The following ABI2 variants were observed in gnomAD, a reference collection of about 807,000 sequenced individuals.
ABI2 encodes the protein abelson interactor 2.
A neutral mutation model predicts 59.2 loss-of-function variants in ABI2; 25 were observed. The observed-to-expected ratio is 0.42, with a 90% CI of 0.31 to 0.59. The LOEUF is 0.59. Among genes scored for constraint, ABI2 ranks in the 20% least tolerant of loss-of-function variants. ABI2 has a pLI of 0.14. For missense variants in ABI2, 545 were observed against 681.8 expected (o/e 0.80, Z 2.23); for synonymous variants, 213 against 235.5 (o/e 0.90, Z 0.87).
intron 1 of ABI2, among the ~76,000 whole-genome samples, chr2:203,357,544 CT>C (rs2092454387): frequency 6.6e-6 from 1 of 152,168 alleles, no homozygotes; most frequent in Non-Finnish European, 1.5e-5. Context: ...TCCTCTGACA[CT>C]TTGGTGTGTA....
rs1245594190 is a variant in ABI2, at chr2:203,385,127, C to A, written c.480+2921C>A. 2.3e-4 allele frequency among the ~76,000 whole-genome samples: 22 copies of A among 94,894 alleles called. 1 individual carries two copies. The highest frequency in any genetic ancestry group is 7.5e-4 in the African/African-American group (22 of 29,176). 62.3% of individuals were successfully genotyped at this position (94,894 alleles called of 152,430 possible). A position where few individuals can be genotyped will look rare whatever the true frequency, so the allele number is the denominator to read the frequency against. ...GGATTACAGGTGTGAGCCACCGCAC[C>A]CGGCTCAGATTCTTTTTTTTTTTTT... On this transcript the variant is annotated intron_variant, in intron 4 of 11. Transcript: ENST00000261018.
intron 1 of ABI2, among the ~76,000 whole-genome samples, chr2:203,366,379 CAT>C (rs1377571123): frequency 6.6e-6 from 1 of 151,974 alleles, no homozygotes. Context: ...TTTTATTTAT[CAT>C]ATTATTTATA....
chr2:203,417,122 T>G (rs1349608534), intron 11 of ABI2, 41 bp downstream of exon 11: 1 of 1,495,630 alleles, frequency 6.7e-7, no homozygotes, highest in South Asian at 1.4e-5. Flanking sequence ...GGAAGAAACC[T>G]CTACATAGAA....
At chr2:203,409,993 GTATC>G (rs1175718167) in intron 9 of ABI2, among the ~76,000 whole-genome samples, 1 of 152,042 alleles carries the variant, frequency 6.6e-6, no homozygotes, top group Non-Finnish European at 1.5e-5. Flanking sequence ...TTCTCTTTGG[GTATC>G]TTTTCCTAGC....
At chr2:203,411,433 T>A in intron 10 of ABI2, 62 bp downstream of exon 10, 1 of 1,271,416 alleles carries the variant, frequency 7.9e-7, no homozygotes, top group African/African-American at 1.5e-5. Flanking sequence ...CATTTATATG[T>A]GATTGACTGG....
At position 203,376,214 on chromosome 2, in the gene ABI2, G is replaced by T; in HGVS notation, c.286-3994G>T. 2.9e-6 allele frequency: 3 copies of T among 1,045,478 alleles called. No homozygotes were observed. In the South Asian group the frequency reaches 4.9e-5, roughly 17 times the overall value. The allele number at this position is 1,045,478 out of a possible 1,614,324, so 64.8% of individuals were successfully genotyped here. Reference sequence around the variant, plus strand: ...AGTTTTGCCCCCAAGGGGACATTTGGCAATGTTAGACATTTTTGGTTGTCA... The same window carrying T: ...AGTTTTGCCCCCAAGGGGACATTTGTCAATGTTAGACATTTTTGGTTGTCA... On this transcript the variant is annotated intron_variant, in intron 2 of 11. Transcript: ENST00000261018.
At chr2:203,376,024 T>A (rs1368750328) in intron 2 of ABI2, 4 of 1,435,858 alleles carry the variant, frequency 2.8e-6, no homozygotes, top group East Asian at 2.5e-5. Context: ...AGATGTTTTT[T>A]AAAAGTTATT....
intron 2 of ABI2, among the ~76,000 whole-genome samples, chr2:203,371,658 G>A (rs965394089): frequency 6.6e-6 from 1 of 152,076 alleles, no homozygotes; most frequent in Non-Finnish European, 1.5e-5. Flanking sequence ...CAAACTGATA[G>A]TGGAGTTAAA....
chr2:203,355,051 G>A, intron 1 of ABI2: 1 of 263,428 alleles, frequency 3.8e-6, no homozygotes, highest in Non-Finnish European at 8.3e-6. Context: ...TTTTAGTCCT[G>A]CTTCTCAGCT....
chr2:203,332,226 A>T (rs2074095887), intron 1 of ABI2, among the ~76,000 whole-genome samples: 1 of 152,176 alleles, frequency 6.6e-6, no homozygotes, highest in Non-Finnish European at 1.5e-5. Flanking sequence ...CAGTTTGCTG[A>T]TATTTATCAG....
At chr2:203,328,886 C>G (rs776513186) in intron 1 of ABI2, 2 of 297,826 alleles carry the variant, frequency 6.7e-6, no homozygotes, top group Non-Finnish European at 1.2e-5. Flanking sequence ...CTCCTCGCCG[C>G]TCCCGCCCTC....
chr2:203,344,871 G>C (rs1435538006), intron 1 of ABI2, among the ~76,000 whole-genome samples: 2 of 152,116 alleles, frequency 1.3e-5, no homozygotes. Flanking sequence ...TCTTGCTAAA[G>C]GTTTGTAAAT....
chr2:203,355,077 C>G (rs1284338363), intron 1 of ABI2: 1 of 268,106 alleles, frequency 3.7e-6, no homozygotes, highest in Admixed American at 3.4e-5. Flanking sequence ...TCAGAAGTTT[C>G]CTTTGCTGTC....
chr2:203,351,363 T>A (rs562192774), intron 1 of ABI2, among the ~76,000 whole-genome samples: 2 of 152,332 alleles, frequency 1.3e-5, no homozygotes, highest in Admixed American at 1.3e-4. Context: ...TTTGTTAATT[T>A]CTGCCACAAA....
intron 5 of ABI2, among the ~76,000 whole-genome samples, chr2:203,391,686 T>C (rs922865966): frequency 6.6e-6 from 1 of 151,898 alleles, no homozygotes. Context: ...CTGGGTGTGG[T>C]GGCATGCACC....
intron 1 of ABI2, among the ~76,000 whole-genome samples, chr2:203,348,869 A>T (rs543401302): frequency 5.3e-5 from 8 of 151,588 alleles, no homozygotes; most frequent in East Asian, 1.9e-4. Flanking sequence ...AAATTTTTTT[A>T]AAAAATAGTA....
chr2:203,336,115 T>C (rs1000294873), intron 1 of ABI2, among the ~76,000 whole-genome samples: 5 of 152,364 alleles, frequency 3.3e-5, no homozygotes, highest in South Asian at 2.1e-4. Flanking sequence ...ATCAGTGTTA[T>C]TGTGTTTTGT....
At chr2:203,390,371 C>G (rs940855827) in intron 4 of ABI2, among the ~76,000 whole-genome samples, 5 of 152,196 alleles carry the variant, frequency 3.3e-5, no homozygotes, top group African/African-American at 1.2e-4. Flanking sequence ...GTGGCTCACG[C>G]CTGTAATCCT....
At chr2:203,335,927 C>T (rs1037552872) in intron 1 of ABI2, among the ~76,000 whole-genome samples, 4 of 152,066 alleles carry the variant, frequency 2.6e-5, no homozygotes, top group Non-Finnish European at 4.4e-5. Context: ...GTAAAATTTT[C>T]CTTGTACCCT....
Sources: gnomAD v4.1 joint callset for allele counts (sites outside exome capture counted in the v4.1 genomes callset) on GRCh38, gnomAD v4.1.1 for gene constraint, MANE v1.5 for transcripts, NCBI Gene and HGNC (gene_info 2026-07-23, HGNC 2026-07-21) for gene names.